The following TENM3 variants were observed in gnomAD, a reference collection of about 807,000 sequenced individuals.
TENM3 encodes the protein teneurin-3.
In TENM3, 63 loss-of-function variants were observed where a neutral mutation model predicts 255.1. That is an observed-to-expected ratio of 0.25 (90% CI 0.20 to 0.30). The LOEUF is 0.30. Among genes scored for constraint, TENM3 ranks in the 10% least tolerant of loss-of-function variants. TENM3 has a pLI of 1.00. For missense variants in TENM3, 2,929 were observed against 3,461.1 expected, an observed-to-expected ratio of 0.85 and a Z score of 3.86; for synonymous variants, 1,306 against 1,322.3, an observed-to-expected ratio of 0.99 and a Z score of 0.27.
intron 1 of TENM3, among the ~76,000 whole-genome samples, chr4:182,303,330 C>T (rs1305271978): frequency 7.2e-5 from 11 of 152,254 alleles, no homozygotes; most frequent in South Asian, 2.1e-4. Context: ...TGTGCTGGGA[C>T]GTGCCACTGA....
the TENM3 span, among the ~76,000 whole-genome samples, chr4:181,919,609 G>A: frequency 6.6e-6 from 1 of 152,072 alleles, no homozygotes; most frequent in Non-Finnish European, 1.5e-5. Context: ...AGAAGGAAAT[G>A]ATGACGTTGT....
chr4:181,656,798 G>A, the TENM3 span, among the ~76,000 whole-genome samples: 1 of 152,208 alleles, frequency 6.6e-6, no homozygotes, highest in African/African-American at 2.4e-5. Flanking sequence ...ACATCTCAAG[G>A]AAGCCAAGGG....
At position 182,600,944 on chromosome 4, in the gene TENM3, G is replaced by C. The variant is rs1161038523; in HGVS notation, c.532G>C (p.Gly178Arg). Residue 178 changes from glycine to arginine, a missense_variant, in exon 4 of 28, where the codon GGC (glycine) becomes CGC (arginine). This residue lies in a region of TENM3 where 283 missense variants were observed against 256.9 expected (regional missense o/e 1.10). Coordinates refer to ENST00000511685, the MANE Select transcript of TENM3 (RefSeq NM_001080477.4). ...SENEQPASNQ[G>R]QSTLQPLPPS... Reference sequence around the variant, plus strand: ...TTCAGAGCAACCTGCAAGCAATCAAGGCCAGTCTACCCTGCAGCCCTTGCC... The same window carrying C: ...TTCAGAGCAACCTGCAAGCAATCAACGCCAGTCTACCCTGCAGCCCTTGCC... 7.6e-7 allele frequency: 1 copy of C among 1,310,402 alleles called. No individual in the cohort carries two copies. The highest frequency in any genetic ancestry group is 1.9e-5 in the Admixed American group (1 of 52,058). 81.2% of individuals were successfully genotyped at this position (1,310,402 alleles called of 1,614,324 possible).
intron 5 of TENM3, among the ~76,000 whole-genome samples, chr4:182,649,481 G>A (rs1185795152): frequency 6.7e-6 from 1 of 150,286 alleles, no homozygotes; most frequent in East Asian, 2.0e-4. Context: ...GAAATACATG[G>A]AAGTGACATA....
intron 3 of TENM3, among the ~76,000 whole-genome samples, chr4:182,440,867 A>T (rs1460182497): frequency 1.3e-5 from 2 of 151,108 alleles, no homozygotes; most frequent in Non-Finnish European, 2.9e-5. Flanking sequence ...GATACATGTG[A>T]AGGTTTGTTA....
the TENM3 span, among the ~76,000 whole-genome samples, chr4:181,653,824 A>G: frequency 1.3e-5 from 2 of 150,856 alleles, no homozygotes; most frequent in African/African-American, 2.4e-5. Context: ...TTTAAGCCCC[A>G]CATATATTAG....
the TENM3 span, among the ~76,000 whole-genome samples, chr4:181,739,724 G>C: frequency 3.1e-4 from 47 of 152,312 alleles, no homozygotes; most frequent in Admixed American, 2.6e-4. Flanking sequence ...TTTGCAGACC[G>C]TCGTACATTT....
the TENM3 span, among the ~76,000 whole-genome samples, chr4:181,908,689 C>T: frequency 5.3e-5 from 8 of 152,186 alleles, no homozygotes; most frequent in Non-Finnish European, 4.4e-5. Context: ...AATTTTTATT[C>T]GCCCTGTGCA....
At chr4:182,081,219 GA>G in the TENM3 span, among the ~76,000 whole-genome samples, 1 of 152,056 alleles carries the variant, frequency 6.6e-6, no homozygotes, top group East Asian at 1.9e-4. Context: ...TACTCTTCTT[GA>G]ATAGGTGCCA....
intron 22 of TENM3, 43 bp from the exon 23 acceptor site, chr4:182,773,427 CTG>C (rs766080116): frequency 6.6e-7 from 1 of 1,513,432 alleles, no homozygotes; most frequent in South Asian, 1.3e-5. Context: ...TCAGAAGAAA[CTG>C]CAGTTTCCTA....
At position 182,753,469 on chromosome 4, in the gene TENM3, T is replaced by A; in HGVS notation, c.3882T>A (p.Asn1294Lys). 6.2e-7 allele frequency: 1 copy of A among 1,613,676 alleles called. No individual in the cohort carries two copies. Among genetic ancestry groups the A allele is most frequent in the Non-Finnish European group, 8.5e-7 (1 of 1,179,746 alleles). ...ATACAGGAATGGCAGTTGATAAGAA[T>A]GGATTAATCTACTTTGTTGATGGAA... ...MSPKGMAVDKNGLIYFVDGTM... is the reference protein window; with the variant it reads ...MSPKGMAVDKKGLIYFVDGTM... Residue 1294 changes from asparagine (N) to lysine (K), a missense_variant, in exon 21 of 28, where the codon AAT becomes AAA. Around this residue, in one of 6 missense-constraint regions of TENM3, gnomAD observed 1,608 missense variants for 1,884.4 expected, o/e 0.85. Coordinates refer to ENST00000511685, the MANE Select transcript of TENM3 (RefSeq NM_001080477.4).
the TENM3 span, among the ~76,000 whole-genome samples, chr4:181,964,824 A>C: frequency 6.6e-6 from 1 of 152,174 alleles, no homozygotes; most frequent in Admixed American, 6.5e-5. Context: ...TTAAAATGGA[A>C]AGGGAAAGAG....
intron 1 of TENM3, among the ~76,000 whole-genome samples, chr4:182,260,384 C>A (rs925339456): frequency 2.6e-5 from 4 of 152,060 alleles, no homozygotes; most frequent in African/African-American, 9.7e-5. Context: ...CCTAAGAAAG[C>A]CATTTTTAAG....
At chr4:182,002,283 G>T in the TENM3 span, among the ~76,000 whole-genome samples, 1 of 152,090 alleles carries the variant, frequency 6.6e-6, no homozygotes, top group Non-Finnish European at 1.5e-5. Flanking sequence ...AAACAAGTCA[G>T]AGTTGATGAA....
the TENM3 span, among the ~76,000 whole-genome samples, chr4:181,552,301 T>G: frequency 3.9e-5 from 6 of 152,328 alleles, no homozygotes; most frequent in South Asian, 1.2e-3. Context: ...TCCCCAAGCA[T>G]GATTAAGTCT....
the TENM3 span, among the ~76,000 whole-genome samples, chr4:182,050,004 T>G: frequency 6.6e-6 from 1 of 151,618 alleles, no homozygotes; most frequent in African/African-American, 2.4e-5. Flanking sequence ...AAAAAAAATT[T>G]TTTTTTGAGG....
At chr4:181,958,060 A>T in the TENM3 span, among the ~76,000 whole-genome samples, 1 of 152,238 alleles carries the variant, frequency 6.6e-6, no homozygotes, top group African/African-American at 2.4e-5. Flanking sequence ...CTCACAAGTA[A>T]GCTTCTTTGA....
chr4:182,156,967 A>G (rs116461601), intron 1 of TENM3, among the ~76,000 whole-genome samples: 2,764 of 152,300 alleles, frequency 0.018, 75 homozygotes, highest in African/African-American at 0.062. Context: ...TAAAGTTATT[A>G]AGAAAGCCAG....
the TENM3 span, among the ~76,000 whole-genome samples, chr4:182,033,502 G>A: frequency 6.6e-6 from 1 of 152,178 alleles, no homozygotes; most frequent in Non-Finnish European, 1.5e-5. Flanking sequence ...TGAGGAGAAT[G>A]TATATTCTGT....
Sources: gnomAD v4.1 joint callset for allele counts (sites outside exome capture counted in the v4.1 genomes callset) on GRCh38, gnomAD v4.1.1 for gene constraint, gnomAD v4.1.1 regional missense constraint, MANE v1.5 for transcripts, NCBI Gene and HGNC (gene_info 2026-07-23, HGNC 2026-07-21) for gene names.